Variants in TWSG1 observed in about 807,000 individuals in gnomAD.
TWSG1 encodes the protein twisted gastrulation BMP signaling modulator 1, also known as twisted gastrulation protein homolog 1.
In TWSG1, 15 loss-of-function variants were observed where a neutral mutation model predicts 23.0. The ratio of observed to expected loss-of-function variants is 0.65; its 90% CI spans 0.44 to 1.00. The LOEUF (loss-of-function observed/expected upper bound fraction) is 1.00, where lower values mean the gene tolerates loss of function less well. Ranked by LOEUF, TWSG1 falls within the 50% of genes least tolerant of loss-of-function variation. The probability of loss-of-function intolerance (pLI) is 0.00; values close to 1 mark genes in which losing one functional copy is unlikely to be tolerated. For missense variants in TWSG1, 242 were observed against 278.7 expected, an observed-to-expected ratio of 0.87 and a Z score of 0.94; for synonymous variants, 86 against 92.8, an observed-to-expected ratio of 0.93 and a Z score of 0.42.
intron 2 of TWSG1, among the ~76,000 whole-genome samples, chr18:9,339,277 G>T (rs1255017332): frequency 6.6e-6 from 1 of 151,898 alleles, no homozygotes; most frequent in African/African-American, 2.4e-5. Flanking sequence ...GAAAGCTTTT[G>T]ATTAATATGG....
chr18:9,361,282 A>G (rs1038749842), intron 3 of TWSG1, among the ~76,000 whole-genome samples: 2 of 152,020 alleles, frequency 1.3e-5, no homozygotes, highest in South Asian at 2.1e-4. Context: ...CTTGTTTTAT[A>G]TGTAACATAT....
chr18:9,357,443 G>A (rs569665307), intron 2 of TWSG1, among the ~76,000 whole-genome samples: 1 of 152,222 alleles, frequency 6.6e-6, no homozygotes, highest in Admixed American at 6.5e-5. Flanking sequence ...AATCGGTGCT[G>A]CAAAAAATGT....
At chr18:9,391,509 A>AGCCTGGGAGGTGGAGGTTGCGGTGAGC (rs2040712808) in intron 3 of TWSG1, among the ~76,000 whole-genome samples, 1 of 152,228 alleles carries the variant, frequency 6.6e-6, no homozygotes, top group Non-Finnish European at 1.5e-5. Flanking sequence ...CTATAACCTT[A>AGCCTGGGAGGTGGAGGTTGCGGTGAGC]CAAGATATAT....
intron 3 of TWSG1, among the ~76,000 whole-genome samples, chr18:9,375,921 T>C (rs908949942): frequency 1.7e-5 from 2 of 114,778 alleles, no homozygotes; most frequent in African/African-American, 3.8e-5. Context: ...ATCTATAGAC[T>C]TTTTTTTTTT....
chr18:9,400,936 A>G lies in TWSG1; in HGVS notation c.*1409A>G, dbSNP rs750101431. ...TTGAACTACAAGCAACTTTTTAGGA[A>G]TACCTCTTTATACGTCTACATATTT... On this transcript the variant is annotated 3_prime_UTR_variant, in exon 5 of 5. Coordinates refer to ENST00000262120, the MANE Select transcript of TWSG1 (RefSeq NM_020648.6). The G allele has an allele frequency of 6.6e-6, 1 of 152,030 alleles. No homozygotes were observed. Among genetic ancestry groups the G allele is most frequent in the Non-Finnish European group, 1.5e-5 (1 of 67,958 alleles). The allele number at this position is 152,030 out of a possible 1,614,324, so 9.4% of individuals were successfully genotyped here.
rs781508670 is a variant in TWSG1 at position 9,337,253 on chromosome 18, G to A, written c.24G>A (p.Val8=). The A allele has an allele frequency of 6.2e-7, 1 of 1,612,682 alleles. No homozygotes were observed. The highest frequency in any genetic ancestry group is 8.5e-7 in the Non-Finnish European group (1 of 1,179,984). Residue 8 remains valine, a synonymous_variant, in exon 2 of 5, where the codon GTG becomes GTA. Coordinates refer to ENST00000262120, the MANE Select transcript of TWSG1 (RefSeq NM_020648.6). MKLHYVA[V]LTLAILMFLT... is the part of the protein sequence containing the mutation. Reference sequence around the variant, plus strand: ...ACATGAAGTTACACTATGTTGCTGTGCTTACTCTAGCCATCCTGATGTTCC... The same window carrying A: ...ACATGAAGTTACACTATGTTGCTGTACTTACTCTAGCCATCCTGATGTTCC...
intron 3 of TWSG1, among the ~76,000 whole-genome samples, chr18:9,395,417 T>C (rs1479404218): frequency 6.6e-6 from 1 of 152,212 alleles, no homozygotes; most frequent in Non-Finnish European, 1.5e-5. Flanking sequence ...ACCATTCCCA[T>C]CCGAATCAAA....
At chr18:9,380,399 A>G (rs544179481) in intron 3 of TWSG1, among the ~76,000 whole-genome samples, 1 of 152,334 alleles carries the variant, frequency 6.6e-6, no homozygotes, top group East Asian at 1.9e-4. Flanking sequence ...GTGATCCATT[A>G]TGTTACATGG....
chr18:9,350,598 C>T (rs1465098234), intron 2 of TWSG1, among the ~76,000 whole-genome samples: 1 of 152,110 alleles, frequency 6.6e-6, no homozygotes, highest in African/African-American at 2.4e-5. Flanking sequence ...ATGTTTGTTA[C>T]TAGGTTTATG....
intron 3 of TWSG1, among the ~76,000 whole-genome samples, chr18:9,366,365 G>A (rs1293296163): frequency 6.6e-6 from 1 of 152,184 alleles, no homozygotes; most frequent in East Asian, 1.9e-4. Context: ...GTGGTGTCAG[G>A]CAACAGGCAC....
chr18:9,397,909 C>T (rs1265482817), intron 4 of TWSG1, among the ~76,000 whole-genome samples: 1 of 147,612 alleles, frequency 6.8e-6, no homozygotes, highest in Admixed American at 7.0e-5. Context: ...GAGGCTGAAG[C>T]AGGAGAACTG....
intron 2 of TWSG1, among the ~76,000 whole-genome samples, chr18:9,349,086 T>C (rs12604438): frequency 0.67 from 101,239 of 151,968 alleles, 34,195 homozygotes; most frequent in Middle Eastern, 0.75. Context: ...GAAAGTAAAA[T>C]TCATCTTGGG....
chr18:9,398,115 TTCCCTTTTAGG>T (rs1346060805), intron 4 of TWSG1, among the ~76,000 whole-genome samples: 8 of 152,096 alleles, frequency 5.3e-5, no homozygotes, highest in African/African-American at 1.9e-4. Context: ...AGATTTCTTA[TTCCCTTTTAGG>T]TTAAAGTACT....
At chr18:9,396,024 T>A (rs1166165499) in intron 3 of TWSG1, among the ~76,000 whole-genome samples, 1 of 152,002 alleles carries the variant, frequency 6.6e-6, no homozygotes, top group Non-Finnish European at 1.5e-5. Flanking sequence ...TGACCCAGCC[T>A]TCAAATCAGT....
At chr18:9,370,069 C>T (rs889017839) in intron 3 of TWSG1, among the ~76,000 whole-genome samples, 1 of 152,104 alleles carries the variant, frequency 6.6e-6, no homozygotes, top group African/African-American at 2.4e-5. Flanking sequence ...CCTGTAATAC[C>T]AGCATTTTGG....
intron 2 of TWSG1, among the ~76,000 whole-genome samples, chr18:9,341,015 C>T (rs1354444658): frequency 3.3e-5 from 5 of 152,172 alleles, no homozygotes; most frequent in African/African-American, 1.2e-4. Context: ...CCTCCCCTTC[C>T]TCCCTTCTCT....
intron 3 of TWSG1, among the ~76,000 whole-genome samples, chr18:9,391,422 C>G (rs2040712053): frequency 6.6e-6 from 1 of 152,312 alleles, no homozygotes; most frequent in Middle Eastern, 3.4e-3. Context: ...CTAATGGCAT[C>G]TAGAATAGTG....
At chr18:9,398,368 T>C (rs1001557186) in intron 4 of TWSG1, among the ~76,000 whole-genome samples, 2 of 152,212 alleles carry the variant, frequency 1.3e-5, no homozygotes, top group African/African-American at 4.8e-5. Context: ...GTTTTTTCTC[T>C]GTGACATCTT....
At chr18:9,368,887 G>T (rs554720780) in intron 3 of TWSG1, among the ~76,000 whole-genome samples, 1 of 152,172 alleles carries the variant, frequency 6.6e-6, no homozygotes, top group African/African-American at 2.4e-5. Context: ...GGTGAAGTTT[G>T]CAGTGAGCCG....
Sources: gnomAD v4.1 joint callset for allele counts (sites outside exome capture counted in the v4.1 genomes callset) on GRCh38, gnomAD v4.1.1 for gene constraint, MANE v1.5 for transcripts, NCBI Gene and HGNC (gene_info 2026-07-23, HGNC 2026-07-21) for gene names.